LYPD6: variants seen among roughly 807,000 people sequenced by gnomAD.
The protein encoded by LYPD6 is LY6/PLAUR domain containing 6, also known as ly6/PLAUR domain-containing protein 6.
In LYPD6, 15 loss-of-function variants were observed where a neutral mutation model predicts 22.7. The observed-to-expected ratio is 0.66, with a 90% confidence interval of 0.44 to 1.02. The LOEUF (loss-of-function observed/expected upper bound fraction) is 1.02, where lower values mean the gene tolerates loss of function less well. Among genes scored for constraint, LYPD6 ranks in the 50% least tolerant of loss-of-function variants. The probability of loss-of-function intolerance (pLI) is 0.00; values close to 1 mark genes in which losing one functional copy is unlikely to be tolerated. For missense variants in LYPD6, 189 were observed against 208.4 expected (o/e 0.91, Z 0.57); for synonymous variants, 72 against 77.5 (o/e 0.93, Z 0.37).
upstream of LYPD6, chr2:149,330,073 C>G (rs1335086276): frequency 6.6e-6 from 1 of 152,140 alleles, no homozygotes; most frequent in African/African-American, 2.4e-5. Context: ...TCGCGGGGCC[C>G]AGGGGATGGC....
rs963569165 is a variant in LYPD6 at position 149,351,472 on chromosome 2, G to A, written c.-72+20750G>A. Among the ~76,000 whole-genome samples the A allele has an allele frequency of 5.3e-5, 8 of 151,556 alleles. 1 individual carries two copies. The South Asian group carries it at 6.2e-4, about 12-fold the overall frequency. On this transcript the variant is annotated intron_variant, in intron 1 of 4. Transcript: ENST00000334166. ...TACTGACTGAGAATTATCCTGGGCCGTAGATGTTAGAGGCAGCATTAGTAC... is the reference window on the plus strand; with the variant it reads ...TACTGACTGAGAATTATCCTGGGCCATAGATGTTAGAGGCAGCATTAGTAC...
intron 1 of LYPD6, among the ~76,000 whole-genome samples, chr2:149,377,799 C>A (rs1043519585): frequency 1.5e-5 from 2 of 136,180 alleles, no homozygotes; most frequent in Admixed American, 7.3e-5. Flanking sequence ...CCCCACCCCC[C>A]CAAAAAAGCA....
At chr2:149,425,452 T>G (rs1683169132) in intron 1 of LYPD6, among the ~76,000 whole-genome samples, 1 of 152,172 alleles carries the variant, frequency 6.6e-6, no homozygotes, top group African/African-American at 2.4e-5. Flanking sequence ...TGAGTGAACA[T>G]GTAAAATAGA....
At chr2:149,407,736 G>A (rs1682753944) in intron 1 of LYPD6, among the ~76,000 whole-genome samples, 1 of 152,178 alleles carries the variant, frequency 6.6e-6, no homozygotes, top group Non-Finnish European at 1.5e-5. Flanking sequence ...CTCAACTTGT[G>A]AAAGTCATCC....
intron 3 of LYPD6, among the ~76,000 whole-genome samples, chr2:149,456,822 A>G (rs1680968373): frequency 6.6e-6 from 1 of 152,144 alleles, no homozygotes. Flanking sequence ...TAATATAGTT[A>G]CCCTCCTAAT....
In LYPD6 at chr2:149,392,602, G is replaced by A. The variant is rs572857259; in HGVS notation, c.-71-45036G>A. ...CCATTGCCATAAGCAGAATGCAGAC[G>A]TGTTATTTATTTATTTTTGAGGCTA... On this transcript the variant is annotated intron_variant, in intron 1 of 4. Transcript: ENST00000334166. Among the ~76,000 whole-genome samples the A allele has an allele frequency of 3.3e-5, 5 of 152,264 alleles. No individual in the cohort carries two copies. In the East Asian group the frequency reaches 7.7e-4, roughly 24 times the overall value.
chr2:149,428,242 G>A (rs1245511315), intron 1 of LYPD6, among the ~76,000 whole-genome samples: 1 of 152,196 alleles, frequency 6.6e-6, no homozygotes, highest in East Asian at 1.9e-4. Flanking sequence ...CTAGTGGCTG[G>A]ATCCTTTTGG....
At chr2:149,358,943 T>G (rs1681517953) in intron 1 of LYPD6, among the ~76,000 whole-genome samples, 1 of 152,184 alleles carries the variant, frequency 6.6e-6, no homozygotes, top group South Asian at 2.1e-4. Context: ...GTGGAGTCCT[T>G]AATATCAGTG....
chr2:149,462,134 G>A (rs1681100331), intron 3 of LYPD6, among the ~76,000 whole-genome samples: 1 of 94,358 alleles, frequency 1.1e-5, no homozygotes, highest in Admixed American at 1.2e-4. Flanking sequence ...TGATTTCTAT[G>A]TAGAAAATTC....
At chr2:149,331,368 C>T (rs751862924) in intron 1 of LYPD6, among the ~76,000 whole-genome samples, 6 of 152,238 alleles carry the variant, frequency 3.9e-5, no homozygotes, top group Non-Finnish European at 5.9e-5. Context: ...CGTTGATTCA[C>T]ATTTGGCTAA....
chr2:149,361,371 C>G (rs576523955), intron 1 of LYPD6, among the ~76,000 whole-genome samples: 1 of 152,260 alleles, frequency 6.6e-6, no homozygotes, highest in South Asian at 2.1e-4. Context: ...GTAAATTTTC[C>G]TACAAAAGGG....
At chr2:149,479,514 A>C in the LYPD6 span, among the ~76,000 whole-genome samples, 2 of 152,160 alleles carry the variant, frequency 1.3e-5, no homozygotes, top group African/African-American at 4.8e-5. Flanking sequence ...CAAATGTATC[A>C]TCCACTCCCA....
intron 1 of LYPD6, among the ~76,000 whole-genome samples, chr2:149,352,248 A>G (rs552231118): frequency 1.3e-5 from 2 of 152,268 alleles, no homozygotes; most frequent in East Asian, 3.9e-4. Flanking sequence ...CAAATGCATA[A>G]AGGGCTGGCA....
chr2:149,388,512 T>A (rs1222892506), intron 1 of LYPD6, among the ~76,000 whole-genome samples: 2 of 152,042 alleles, frequency 1.3e-5, no homozygotes, highest in Admixed American at 1.3e-4. Flanking sequence ...TGGGCTCTGT[T>A]GTTGAGCAAA....
In LYPD6 at chr2:149,472,646, C is replaced by T. The variant is rs541654375; in HGVS notation, c.*1796C>T. On this transcript the variant is annotated 3_prime_UTR_variant, in exon 5 of 5. Coordinates refer to ENST00000334166, the MANE Select transcript of LYPD6 (RefSeq NM_194317.5). ...GGTGGGAAAGTAGAGGGAGAGAAAG[C>T]AAGACATTTATTAAGCACCTCGTAT... is the stretch of plus-strand genomic sequence containing the variant. 6.5e-6 allele frequency: 1 copy of T among 152,676 alleles called. No homozygotes were observed. Among genetic ancestry groups the T allele is most frequent in the Non-Finnish European group, 1.5e-5 (1 of 68,034 alleles). 9.5% of individuals were successfully genotyped at this position (152,676 alleles called of 1,614,324 possible).
intron 1 of LYPD6, among the ~76,000 whole-genome samples, chr2:149,370,885 A>G (rs192419614): frequency 2.0e-5 from 3 of 152,182 alleles, no homozygotes; most frequent in Non-Finnish European, 2.9e-5. Flanking sequence ...GCTTGAGCCT[A>G]GGACTTCGAA....
intron 1 of LYPD6, among the ~76,000 whole-genome samples, chr2:149,369,644 A>G (rs1380631521): frequency 1.3e-5 from 2 of 152,142 alleles, no homozygotes; most frequent in Non-Finnish European, 2.9e-5. Flanking sequence ...AGCTGAAATG[A>G]TAGGAAGACA....
intron 2 of LYPD6, among the ~76,000 whole-genome samples, chr2:149,446,524 T>C (rs899426765): frequency 6.6e-6 from 1 of 152,218 alleles, no homozygotes; most frequent in East Asian, 1.9e-4. Context: ...AAAATATTTG[T>C]TTATAGTTTA....
At chr2:149,406,857 G>C (rs1418047233) in intron 1 of LYPD6, among the ~76,000 whole-genome samples, 1 of 151,612 alleles carries the variant, frequency 6.6e-6, no homozygotes, top group African/African-American at 2.4e-5. Flanking sequence ...GCATGATTTT[G>C]CAGTGGCTGG....
Sources: allele counts gnomAD v4.1 joint callset (sites outside exome capture counted in the v4.1 genomes callset), GRCh38; gene constraint gnomAD v4.1.1; transcripts MANE v1.5; gene names NCBI Gene and HGNC (gene_info 2026-07-23, HGNC 2026-07-21).